NBEA: variants seen among roughly 807,000 people sequenced by gnomAD.
The protein encoded by NBEA is lysosomal-trafficking regulator 2.
A neutral mutation model predicts 343.4 loss-of-function variants in NBEA; 44 were observed. That is an observed-to-expected ratio of 0.13 (90% CI 0.10 to 0.16). The LOEUF (loss-of-function observed/expected upper bound fraction) is 0.16. Ranked by LOEUF, NBEA falls within the 10% of genes least tolerant of loss-of-function variation. NBEA has a pLI of 1.00. For missense variants in NBEA, 2,555 were observed against 3,631.3 expected, an observed-to-expected ratio of 0.70 and a Z score of 7.62; for synonymous variants, 1,175 against 1,238.7, an observed-to-expected ratio of 0.95 and a Z score of 1.08.
chr13:35,267,835 AAAAAAAG>A (rs200527975), intron 34 of NBEA, among the ~76,000 whole-genome samples: 2,171 of 151,964 alleles, frequency 0.014, 45 homozygotes, highest in African/African-American at 0.049. Context: ...ATTTAAAAAA[AAAAAAAG>A]AAGAAGAAAA....
intron 39 of NBEA, among the ~76,000 whole-genome samples, chr13:35,434,901 A>AC (rs2045337123): frequency 6.6e-6 from 1 of 152,198 alleles, no homozygotes; most frequent in East Asian, 1.9e-4. Flanking sequence ...ATGTTGAAAA[A>AC]CTTAATTCAA....
rs145744897 is a variant in NBEA at position 35,524,829 on chromosome 13, A to C, written c.6586-25648A>C. ...AATGTTAAATGGTCAGAAATACAGC[A>C]CTTACCAGGATGTTCCTTGTCAGCA... On this transcript the variant is annotated intron_variant, in intron 41 of 58. Transcript: ENST00000379939. 4.7e-4 allele frequency among the ~76,000 whole-genome samples: 71 copies of C among 152,346 alleles called. 1 individual carries two copies. In the East Asian group the frequency reaches 0.012, roughly 25 times the overall value.
In NBEA at chr13:34,996,770, C is replaced by T. The variant is rs1182462242; in HGVS notation, c.295-44163C>T. Among the ~76,000 whole-genome samples the T allele has an allele frequency of 7.3e-5, 11 of 151,120 alleles. No individual in the cohort carries two copies. The South Asian group carries it at 1.3e-3, about 17-fold the overall frequency. On this transcript the variant is annotated intron_variant, in intron 1 of 58. Transcript: ENST00000379939. ...AGACTCACTATTAAATGTGTGTGTG[C>T]GTGTGTGTGTATGTTTTGATTAATG...
chr13:35,476,361 C>T (rs1260200531), intron 41 of NBEA: 1 of 888,376 alleles, frequency 1.1e-6, no homozygotes, highest in East Asian at 2.7e-5. Context: ...CTGCTTTTCC[C>T]TTCCTTTTAT....
chr13:35,645,319 T>C lies in NBEA; in HGVS notation c.7618-550T>C, dbSNP rs186125562. ...TCATAGTAAATATCATGCTTCTCCT[T>C]GTTGACATAAATTACATATAATATT... On this transcript the variant is annotated intron_variant, in intron 49 of 58. Transcript: ENST00000379939. Among the ~76,000 whole-genome samples the C allele has an allele frequency of 3.0e-4, 46 of 152,332 alleles. 1 individual carries two copies. In the East Asian group the frequency reaches 8.3e-3, roughly 27 times the overall value.
intron 27 of NBEA, among the ~76,000 whole-genome samples, chr13:35,174,448 AC>A: frequency 6.6e-6 from 1 of 152,128 alleles, no homozygotes; most frequent in Non-Finnish European, 1.5e-5. Context: ...TGATACAGTA[AC>A]TTTTTGCTCA....
At chr13:35,284,829 T>A (rs1238875470) in intron 34 of NBEA, among the ~76,000 whole-genome samples, 1 of 152,112 alleles carries the variant, frequency 6.6e-6, no homozygotes, top group Non-Finnish European at 1.5e-5. Context: ...AATTTCATGT[T>A]TCAGATTAAA....
intron 10 of NBEA, among the ~76,000 whole-genome samples, chr13:35,082,525 G>C (rs1184879986): frequency 6.6e-6 from 1 of 152,158 alleles, no homozygotes; most frequent in Non-Finnish European, 1.5e-5. Context: ...CTAGTTTACA[G>C]TCCCACCAAC....
At chr13:35,456,991 TATATAGATATATAG>T (rs1429986922) in intron 40 of NBEA, among the ~76,000 whole-genome samples, 3 of 148,988 alleles carry the variant, frequency 2.0e-5, no homozygotes, top group African/African-American at 7.3e-5. Context: ...AGTTTATATA[TATATAGATATATAG>T]ATATAGATAT....
chr13:35,452,879 G>T (rs964603063), intron 40 of NBEA, among the ~76,000 whole-genome samples: 3 of 152,128 alleles, frequency 2.0e-5, no homozygotes, highest in South Asian at 2.1e-4. Flanking sequence ...AAAGCAAATG[G>T]CTTCATGAAG....
intron 36 of NBEA, among the ~76,000 whole-genome samples, chr13:35,313,137 C>T (rs2037481688): frequency 6.6e-6 from 1 of 152,194 alleles, no homozygotes; most frequent in South Asian, 2.1e-4. Context: ...CACATCTTGA[C>T]ACGACTGGTT....
At chr13:35,645,236 C>T (rs983147961) in intron 49 of NBEA, among the ~76,000 whole-genome samples, 26 of 152,156 alleles carry the variant, frequency 1.7e-4, no homozygotes, top group African/African-American at 5.6e-4. Flanking sequence ...TTCACTTTTA[C>T]GTGCAACCAA....
intron 39 of NBEA, among the ~76,000 whole-genome samples, chr13:35,445,792 A>ATATATATATATATATATATATATATG (rs1176594186): frequency 2.6e-5 from 2 of 78,202 alleles, no homozygotes; most frequent in Non-Finnish European, 2.4e-5. Flanking sequence ...TTATATATAT[A>ATATATATATATATATATATATATATG]TATATATATA....
chr13:35,399,218 G>T (rs2042885609), intron 38 of NBEA, among the ~76,000 whole-genome samples: 1 of 152,068 alleles, frequency 6.6e-6, no homozygotes, highest in Non-Finnish European at 1.5e-5. Context: ...GATCTATCGA[G>T]GCCACTCAAA....
intron 13 of NBEA, among the ~76,000 whole-genome samples, chr13:35,113,631 G>A (rs9543377): frequency 1.1e-3 from 90 of 85,436 alleles, no homozygotes; most frequent in East Asian, 1.7e-3. Context: ...CTATCTATCT[G>A]TCTGTCTATC....
chr13:35,425,290 A>G (rs2044581611), intron 38 of NBEA, among the ~76,000 whole-genome samples: 1 of 152,292 alleles, frequency 6.6e-6, no homozygotes, highest in South Asian at 2.1e-4. Flanking sequence ...ATTTAGTGCT[A>G]TAAATTTCCC....
chr13:35,478,038 A>G (rs541434875), intron 41 of NBEA, among the ~76,000 whole-genome samples: 12 of 152,262 alleles, frequency 7.9e-5, no homozygotes, highest in African/African-American at 2.6e-4. Flanking sequence ...CCAATTAAGA[A>G]TATTTCCCGT....
Position 35,551,044 on chromosome 13 carries a change from A to G in NBEA, c.6806+12A>G, listed in dbSNP as rs370999765. ...CTGCCACAAGCCAGGTAATTATATC[A>G]TATTACATATTATCTATGGCTTGTT... On this transcript the variant is annotated intron_variant, in intron 43 of 58. Transcript: ENST00000379939. 1.1e-5 allele frequency: 15 copies of G among 1,391,734 alleles called. No individual in the cohort carries two copies. Among genetic ancestry groups the G allele is most frequent in the Admixed American group, 1.8e-5 (1 of 56,694 alleles). The allele number at this position is 1,391,734 out of a possible 1,614,324, so 86.2% of individuals were successfully genotyped here. A position where few individuals can be genotyped will look rare whatever the true frequency, so the allele number is the denominator to read the frequency against.
chr13:35,593,135 A>T, intron 46 of NBEA, 193 bp from the exon 47 acceptor site: 1 of 439,848 alleles, frequency 2.3e-6, no homozygotes, highest in Middle Eastern at 3.5e-4. Context: ...CCAGAGTTGC[A>T]GACTGACAAC....
Sources: gnomAD v4.1 joint callset for allele counts (sites outside exome capture counted in the v4.1 genomes callset) on GRCh38, gnomAD v4.1.1 for gene constraint, MANE v1.5 for transcripts, NCBI Gene and HGNC (gene_info 2026-07-23, HGNC 2026-07-21) for gene names.